TNFSF4: variants seen among roughly 807,000 people sequenced by gnomAD.
TNFSF4 encodes tumor necrosis factor ligand superfamily member 4.
In TNFSF4, 4 loss-of-function variants were observed where a neutral mutation model predicts 7.3. The ratio of observed to expected loss-of-function variants is 0.55; its 90% CI spans 0.27 to 1.25. The LOEUF is 1.25. Among genes scored for constraint, TNFSF4 ranks in the 50% most tolerant of loss-of-function variants. The probability of loss-of-function intolerance (pLI) is 0.12; values close to 1 mark genes in which losing one functional copy is unlikely to be tolerated. For missense variants in TNFSF4, 181 were observed against 208.8 expected (o/e 0.87, Z 0.82); for synonymous variants, 76 against 83.7 (o/e 0.91, Z 0.50).
chr1:173,173,652 C>A, the TNFSF4 span, among the ~76,000 whole-genome samples: 24 of 152,346 alleles, frequency 1.6e-4, no homozygotes, highest in East Asian at 4.6e-3. Context: ...GGCCCAACAC[C>A]ATATGTAAGC....
the TNFSF4 span, among the ~76,000 whole-genome samples, chr1:173,358,758 TAG>T: frequency 3.9e-5 from 6 of 152,196 alleles, no homozygotes; most frequent in Non-Finnish European, 2.9e-5. Context: ...TCTAATAATA[TAG>T]ATGAATGTCA....
chr1:173,346,739 T>G, the TNFSF4 span, among the ~76,000 whole-genome samples: 1 of 152,160 alleles, frequency 6.6e-6, no homozygotes, highest in South Asian at 2.1e-4. Flanking sequence ...TGGGGAAATG[T>G]AATATAATAT....
the TNFSF4 span, among the ~76,000 whole-genome samples, chr1:173,427,421 C>A: frequency 7.7e-3 from 1,166 of 152,202 alleles, 11 homozygotes; most frequent in African/African-American, 0.027. Flanking sequence ...CCCGCCCCCC[C>A]ACTGACCCCA....
chr1:173,385,746 C>T, the TNFSF4 span, among the ~76,000 whole-genome samples: 16 of 151,886 alleles, frequency 1.1e-4, 1 homozygote, highest in South Asian at 1.5e-3. Context: ...GGCTGAGGCA[C>T]GAGAATTGCT....
chr1:173,390,737 C>CTTTTTTTTTTTTTT, the TNFSF4 span, among the ~76,000 whole-genome samples: 2 of 131,604 alleles, frequency 1.5e-5, no homozygotes, highest in Non-Finnish European at 1.6e-5. Flanking sequence ...CATTCTGCTT[C>CTTTTTTTTTTTTTT]TTTTTTTTTT....
chr1:173,389,338 T>C, the TNFSF4 span, among the ~76,000 whole-genome samples: 1 of 152,240 alleles, frequency 6.6e-6, no homozygotes, highest in African/African-American at 2.4e-5. Flanking sequence ...CATCACTTTA[T>C]CTTTGAACTA....
chr1:173,266,352 G>A, the TNFSF4 span, among the ~76,000 whole-genome samples: 2 of 152,090 alleles, frequency 1.3e-5, no homozygotes, highest in Non-Finnish European at 2.9e-5. Flanking sequence ...CGAAAATACA[G>A]CCCAACTCTG....
the TNFSF4 span, among the ~76,000 whole-genome samples, chr1:173,253,590 G>A: frequency 6.6e-6 from 1 of 152,272 alleles, no homozygotes; most frequent in East Asian, 1.9e-4. Flanking sequence ...TTTGATTCTT[G>A]CCTGGTAACA....
the TNFSF4 span, among the ~76,000 whole-genome samples, chr1:173,403,412 A>G: frequency 2.0e-5 from 3 of 152,220 alleles, no homozygotes; most frequent in Admixed American, 1.3e-4. Context: ...GAGTTCGCCA[A>G]TGTAAGTGTC....
At chr1:173,443,049 G>A in the TNFSF4 span, among the ~76,000 whole-genome samples, 1 of 152,124 alleles carries the variant, frequency 6.6e-6, no homozygotes, top group Non-Finnish European at 1.5e-5. Flanking sequence ...CAGACAGTGA[G>A]CCTTGAGATG....
the TNFSF4 span, among the ~76,000 whole-genome samples, chr1:173,407,724 G>GTGTGTT: frequency 6.6e-6 from 1 of 151,634 alleles, no homozygotes; most frequent in Non-Finnish European, 1.5e-5. Flanking sequence ...GTGTGTGTGT[G>GTGTGTT]TGTGTCCTAG....
chr1:173,177,501 G>A, the TNFSF4 span, among the ~76,000 whole-genome samples: 2 of 151,898 alleles, frequency 1.3e-5, no homozygotes, highest in African/African-American at 4.8e-5. Flanking sequence ...TTCTTACATG[G>A]GTGACGAAAA....
At chr1:173,305,744 G>A in the TNFSF4 span, among the ~76,000 whole-genome samples, 1 of 151,406 alleles carries the variant, frequency 6.6e-6, no homozygotes, top group Non-Finnish European at 1.5e-5. Flanking sequence ...TGGCTGGGGA[G>A]GCCTCAGGAA....
the TNFSF4 span, among the ~76,000 whole-genome samples, chr1:173,280,264 C>T: frequency 6.6e-6 from 1 of 152,098 alleles, no homozygotes; most frequent in South Asian, 2.1e-4. Flanking sequence ...AGGCTGGATA[C>T]CACTCCTGTT....
At chr1:173,436,464 C>G in the TNFSF4 span, among the ~76,000 whole-genome samples, 1 of 152,158 alleles carries the variant, frequency 6.6e-6, no homozygotes, top group Admixed American at 6.5e-5. Context: ...GGCTGGAGTG[C>G]AGTGGCATGA....
the TNFSF4 span, among the ~76,000 whole-genome samples, chr1:173,285,446 C>T: frequency 1.3e-5 from 2 of 152,078 alleles, no homozygotes; most frequent in Non-Finnish European, 2.9e-5. Context: ...AAAACAGCAG[C>T]AAGGTTTGAG....
the TNFSF4 span, among the ~76,000 whole-genome samples, chr1:173,322,286 G>A: frequency 1.3e-5 from 2 of 152,054 alleles, no homozygotes; most frequent in African/African-American, 4.8e-5. Context: ...ACACACAGAG[G>A]GAAGCGTCTA....
At chr1:173,221,534 T>C in the TNFSF4 span, among the ~76,000 whole-genome samples, 2 of 152,182 alleles carry the variant, frequency 1.3e-5, no homozygotes, top group African/African-American at 4.8e-5. Context: ...CGGTAAGTAA[T>C]GGAAATTAAG....
At chr1:173,339,185 C>T in the TNFSF4 span, among the ~76,000 whole-genome samples, 5 of 152,064 alleles carry the variant, frequency 3.3e-5, no homozygotes, top group African/African-American at 7.2e-5. Context: ...TTGAGACCAG[C>T]GTGGGCAACA....
Sources: allele counts gnomAD v4.1 joint callset (sites outside exome capture counted in the v4.1 genomes callset), GRCh38; gene constraint gnomAD v4.1.1; transcripts MANE v1.5; gene names NCBI Gene and HGNC (gene_info 2026-07-23, HGNC 2026-07-21).